The following SAR1B variants were observed in gnomAD, a reference collection of about 807,000 sequenced individuals.
SAR1B encodes secretion associated Ras related GTPase 1B.
A neutral mutation model predicts 26.8 loss-of-function variants in SAR1B; 23 were observed. The ratio of observed to expected loss-of-function variants is 0.86; its 90% CI spans 0.62 to 1.22. The LOEUF (loss-of-function observed/expected upper bound fraction) is 1.22, where lower values mean the gene tolerates loss of function less well. Ranked by LOEUF, SAR1B falls within the 50% of genes most tolerant of loss-of-function variation. SAR1B has a pLI of 0.00. For missense variants in SAR1B, 196 were observed against 232.8 expected (o/e 0.84, Z 1.03); for synonymous variants, 65 against 80.8 (o/e 0.80, Z 1.05).
At chr5:134,616,824 T>C (rs1252233997) in intron 3 of SAR1B, among the ~76,000 whole-genome samples, 1 of 152,278 alleles carries the variant, frequency 6.6e-6, no homozygotes, top group East Asian at 1.9e-4. Flanking sequence ...TAGCATAATA[T>C]GACTGAATGT....
At chr5:134,624,062 G>A in intron 1 of SAR1B, 25 bp from the exon 2 acceptor site, 1 of 1,350,438 alleles carries the variant, frequency 7.4e-7, no homozygotes, top group East Asian at 2.3e-5. Flanking sequence ...TTTGAATTTA[G>A]TAGTCAACAT....
Position 134,604,115 on chromosome 5 carries a change from A to G in SAR1B, c.*2835T>C, listed in dbSNP as rs1349008337. ...CACTGAGATAAACTGAAATCTATCA[A>G]TTTAACCAGCTGTGATCCAAAAGTG... On this transcript the variant is annotated 3_prime_UTR_variant, in exon 7 of 7. Transcript: ENST00000402673. The G allele has an allele frequency of 1.3e-5, 2 of 152,244 alleles. No individual in the cohort carries two copies. The highest frequency in any genetic ancestry group is 4.8e-5 in the African/African-American group (2 of 41,462). 9.4% of individuals were successfully genotyped at this position (152,244 alleles called of 1,614,324 possible).
At position 134,612,768 on chromosome 5, in the gene SAR1B, T is replaced by C. The variant is rs1320283073; in HGVS notation, c.179-12A>G. 1 of 1,578,952 alleles carries C rather than the reference T, an allele frequency of 6.3e-7. No individual in the cohort carries two copies. The highest frequency in any genetic ancestry group is 8.6e-7 in the Non-Finnish European group (1 of 1,161,956). On this transcript the variant is annotated splice_polypyrimidine_tract_variant and intron_variant, in intron 3 of 6. Transcript: ENST00000402673. ...CAGTTCTTCGGAAGCTAAATAAGATTTTAAAATATTTTTACATGAAAATTA... is the reference window on the plus strand; with the variant it reads ...CAGTTCTTCGGAAGCTAAATAAGATCTTAAAATATTTTTACATGAAAATTA...
chr5:134,632,676 G>A (rs1437474839), intron 1 of SAR1B, 52 bp downstream of exon 1: 2 of 152,304 alleles, frequency 1.3e-5, no homozygotes, highest in Non-Finnish European at 2.9e-5. Flanking sequence ...CCTTCTAGGG[G>A]ATCCATAGCT....
intron 3 of SAR1B, among the ~76,000 whole-genome samples, chr5:134,618,829 C>T (rs1480076509): frequency 6.6e-6 from 1 of 151,698 alleles, no homozygotes. Context: ...GAAACCTGGT[C>T]TCTACTAAAA....
At chr5:134,614,286 A>G (rs1172236423) in intron 3 of SAR1B, 1 of 152,210 alleles carries the variant, frequency 6.6e-6, no homozygotes, top group African/African-American at 2.4e-5. Context: ...GAGCACATTC[A>G]TAACGATTGT....
At chr5:134,632,237 A>C (rs1050214800) in intron 1 of SAR1B, 1 of 152,074 alleles carries the variant, frequency 6.6e-6, no homozygotes, top group African/African-American at 2.4e-5. Context: ...ATTAAAACAA[A>C]AATCAGTACA....
intron 2 of SAR1B, 60 bp downstream of exon 2, chr5:134,623,902 G>T: frequency 9.2e-7 from 1 of 1,090,406 alleles, no homozygotes; most frequent in Non-Finnish European, 1.4e-6. Flanking sequence ...ACACAGATAA[G>T]CACTATTAAA....
chr5:134,626,854 T>G (rs977943923), intron 1 of SAR1B, among the ~76,000 whole-genome samples: 1 of 152,186 alleles, frequency 6.6e-6, no homozygotes, highest in African/African-American at 2.4e-5. Context: ...TCACATGTTC[T>G]GGAATTAGAT....
chr5:134,603,734 G>A lies in SAR1B; in HGVS notation c.*3216C>T, dbSNP rs1214464338. On this transcript the variant is annotated 3_prime_UTR_variant, in exon 7 of 7. Coordinates refer to ENST00000402673, the MANE Select transcript of SAR1B (RefSeq NM_016103.4). ...GAATCACTTGAACCCCGGAGGTGGA[G>A]GTTGCAGTAAGCAGAGATTGTGCCA... 2.0e-5 allele frequency: 3 copies of A among 152,364 alleles called. No individual in the cohort carries two copies. The East Asian group carries it at 5.8e-4, about 29-fold the overall frequency. The allele number at this position is 152,364 out of a possible 1,614,324, so 9.4% of individuals were successfully genotyped here.
chr5:134,608,260 G>A (rs1243538649), intron 6 of SAR1B, 112 bp downstream of exon 6: 27 of 1,157,786 alleles, frequency 2.3e-5, no homozygotes, highest in Non-Finnish European at 3.7e-6. Flanking sequence ...ATAAATGACA[G>A]TTTTCTTTAA....
rs756737920 is a variant in SAR1B, at chr5:134,621,067, C to G, written c.59-15G>C. On this transcript the variant is annotated splice_polypyrimidine_tract_variant and intron_variant, in intron 2 of 6. Transcript: ENST00000402673. ...CTTATATAATCCTGCAAAGCAAGAG[C>G]TATGATTGGTCAAAGTGATATCTGA... The G allele has an allele frequency of 1.9e-6, 3 of 1,612,172 alleles. No homozygotes were observed. The highest frequency in any genetic ancestry group is 2.5e-6 in the Non-Finnish European group (3 of 1,178,808).
In SAR1B at chr5:134,608,400, A is replaced by G. The variant is rs758537006; in HGVS notation, c.452T>C (p.Phe151Ser). 2 of 1,596,404 alleles carry G rather than the reference A, an allele frequency of 1.3e-6. No individual in the cohort carries two copies. The highest frequency in any genetic ancestry group is 2.2e-5 in the South Asian group (2 of 89,244). The change falls in exon 6 of 7, where the codon TTT becomes TCT. Residue 151 changes from phenylalanine (F) to serine (S), a missense_variant. Physicochemically the swap from Phe to Ser is radical, Grantham distance 155. Transcript: ENST00000402673. ...AISEERLREM[F>S]GLYGQTTGKG... ...TCCTGTTGTCTGACCATATAAACCA[A>G]ACATCTCTCGCAACCTCTCTTCACT...
intron 3 of SAR1B, chr5:134,614,688 C>G (rs754639687): frequency 5.3e-5 from 8 of 152,290 alleles, no homozygotes; most frequent in Admixed American, 1.3e-4. Context: ...ACTCCCTCCT[C>G]TCTGTCCTAG....
chr5:134,603,331 A>G lies in SAR1B; in HGVS notation c.*3619T>C, dbSNP rs1390929509. 6.6e-6 allele frequency: 1 copy of G among 152,190 alleles called. No individual in the cohort carries two copies. The highest frequency in any genetic ancestry group is 1.5e-5 in the Non-Finnish European group (1 of 68,028). The allele number at this position is 152,190 out of a possible 1,614,324, so 9.4% of individuals were successfully genotyped here. A position where few individuals can be genotyped will look rare whatever the true frequency, so the allele number is the denominator to read the frequency against. ...TAAACCTTTCCCCTGAAACTCTCCAATCATGTTAACTAGAACTATACTGTT... is the reference window on the plus strand; with the variant it reads ...TAAACCTTTCCCCTGAAACTCTCCAGTCATGTTAACTAGAACTATACTGTT... On this transcript the variant is annotated 3_prime_UTR_variant, in exon 7 of 7. Coordinates refer to ENST00000402673, the MANE Select transcript of SAR1B (RefSeq NM_016103.4).
intron 1 of SAR1B, among the ~76,000 whole-genome samples, chr5:134,627,655 C>T (rs538838735): frequency 2.0e-5 from 3 of 151,128 alleles, no homozygotes; most frequent in African/African-American, 4.9e-5. Context: ...AAAAATTAGC[C>T]GGGCGTGGTA....
intron 6 of SAR1B, 141 bp from the exon 7 acceptor site, chr5:134,607,207 A>C: frequency 1.4e-6 from 1 of 712,528 alleles, no homozygotes; most frequent in Non-Finnish European, 2.5e-6. Flanking sequence ...GCTGCTTGGC[A>C]TCCAAGCCCC....
At position 134,601,890 on chromosome 5, in the gene SAR1B, A is replaced by C. The variant is rs1027952544; in HGVS notation, c.*5060T>G. ...GAAACCCTGTCTCTACTAACAATAC[A>C]AATATTAGCCAGCTGTGGTGGCGCA... is the stretch of plus-strand genomic sequence containing the variant. On this transcript the variant is annotated 3_prime_UTR_variant, in exon 7 of 7. Transcript: ENST00000402673. 2.0e-5 allele frequency: 3 copies of C among 152,200 alleles called. No individual in the cohort carries two copies. The highest frequency in any genetic ancestry group is 2.9e-5 in the Non-Finnish European group (2 of 68,050). 9.4% of individuals were successfully genotyped at this position (152,200 alleles called of 1,614,324 possible).
intron 3 of SAR1B, among the ~76,000 whole-genome samples, chr5:134,618,586 A>G (rs1312514183): frequency 6.6e-6 from 1 of 152,240 alleles, no homozygotes; most frequent in African/African-American, 2.4e-5. Context: ...TTTCACCTGT[A>G]AAAGTAAGGT....
Sources: allele counts gnomAD v4.1 joint callset (sites outside exome capture counted in the v4.1 genomes callset), GRCh38; gene constraint gnomAD v4.1.1; transcripts MANE v1.5; gene names NCBI Gene and HGNC (gene_info 2026-07-23, HGNC 2026-07-21).